SLC12A5: variants seen among roughly 807,000 people sequenced by gnomAD.
SLC12A5 encodes K-Cl cotransporter 2.
Under a neutral mutation model 124.0 loss-of-function variants are expected in SLC12A5, and 18 were observed. The observed-to-expected ratio is 0.15, with a 90% CI of 0.10 to 0.22. The LOEUF is 0.22. Among genes scored for constraint, SLC12A5 ranks in the 10% least tolerant of loss-of-function variants. The pLI is 1.00. For missense variants in SLC12A5, 867 were observed against 1,478.7 expected (o/e 0.59, Z 6.78); for synonymous variants, 589 against 568.0 (o/e 1.04, Z -0.53).
intron 7 of SLC12A5, 34 bp downstream of exon 7, chr20:46,040,648 C>T (rs183684182): frequency 1.9e-6 from 3 of 1,607,294 alleles, no homozygotes; most frequent in African/African-American, 2.7e-5. Context: ...AAGGAATCGT[C>T]CTCCTACCTC....
At chr20:46,022,496 G>A (rs2084364124) in intron 1 of SLC12A5, among the ~76,000 whole-genome samples, 1 of 152,030 alleles carries the variant, frequency 6.6e-6, no homozygotes, top group Non-Finnish European at 1.5e-5. Context: ...CTCGGTGCCT[G>A]GCGGATCCTC....
At chr20:46,054,872 G>T (rs1018273623) in intron 20 of SLC12A5, 44 bp from the exon 21 acceptor site, 4 of 1,441,946 alleles carry the variant, frequency 2.8e-6, no homozygotes, top group Non-Finnish European at 3.9e-6. Flanking sequence ...TTTCCTCCGT[G>T]TTCCTCTCCC....
chr20:46,057,477 G>A lies in SLC12A5; in HGVS notation c.3260-37G>A, dbSNP rs574939637. On this transcript the variant is annotated intron_variant, in intron 25 of 25. Coordinates refer to ENST00000243964, the MANE Select transcript of SLC12A5 (RefSeq NM_020708.5). This position sits in a 1 kb window ranked among gnomAD's most constrained non-coding sequence, Gnocchi z 7.1. Reference sequence around the variant, plus strand: ...GCGCGACCCCAATTTCGTCGGGAGGGAAGGAGACCGGGTCTTTCTCCTTGA... The same window carrying A: ...GCGCGACCCCAATTTCGTCGGGAGGAAAGGAGACCGGGTCTTTCTCCTTGA... The A allele has an allele frequency of 1.2e-6, 2 of 1,609,678 alleles. No individual in the cohort carries two copies. The highest frequency in any genetic ancestry group is 1.3e-5 in the African/African-American group (1 of 74,948).
rs761870474 is a variant in SLC12A5 at position 46,036,809 on chromosome 20, G to T, written c.481+14G>T. 6.2e-7 allele frequency: 1 copy of T among 1,613,820 alleles called. No homozygotes were observed. The highest frequency in any genetic ancestry group is 8.5e-7 in the Non-Finnish European group (1 of 1,179,888). On this transcript the variant is annotated intron_variant, in intron 5 of 25. Coordinates refer to ENST00000243964, the MANE Select transcript of SLC12A5 (RefSeq NM_020708.5). ...GTGTTGTGCCTGGTAGGTGACTGGG[G>T]CTTTGTGGGGAGGGAGGATGGCTGG...
Position 46,051,785 on chromosome 20 carries a change from G to T in SLC12A5, c.2292G>T (p.Gly764=), listed in dbSNP as rs79522550. 20,873 of 1,608,856 alleles carry T rather than the reference G, an allele frequency of 0.013. 182 individuals are homozygous for T. Among genetic ancestry groups the T allele is most frequent in the Middle Eastern group, 0.019 (112 of 6,044 alleles). ...ATCTGATCCAGTCCGGGGGCCTCGG[G>T]GGGCTGCAGCACAACACTGTGCTTG... ...VSHLIQSGGL[G]GLQHNTVLVG... The change falls in exon 18 of 26, where the codon GGG becomes GGT. Residue 764 remains glycine (G), a synonymous_variant. Transcript: ENST00000243964.
At position 46,058,385 on chromosome 20, in the gene SLC12A5, C is replaced by G. The variant is rs1040242906; in HGVS notation, c.*780C>G. ...TTCCGCGCGCCCTTGGCTTCCCACC[C>G]TCCTCTCCAGTCCTTTTCCGAGATG... On this transcript the variant is annotated 3_prime_UTR_variant, in exon 26 of 26. Coordinates refer to ENST00000243964, the MANE Select transcript of SLC12A5 (RefSeq NM_020708.5). This position sits in a 1 kb window ranked among gnomAD's most constrained non-coding sequence, Gnocchi z 5.8. 1 of 398,408 alleles carries G rather than the reference C, an allele frequency of 2.5e-6. No individual in the cohort carries two copies. The highest frequency in any genetic ancestry group is 4.4e-6 in the Non-Finnish European group (1 of 226,116). 24.7% of individuals were successfully genotyped at this position (398,408 alleles called of 1,614,324 possible).
intron 1 of SLC12A5, among the ~76,000 whole-genome samples, chr20:46,030,157 G>T (rs1189998914): frequency 6.6e-6 from 1 of 150,940 alleles, no homozygotes; most frequent in Non-Finnish European, 1.5e-5. Context: ...CGGGAAGCAA[G>T]ATCACCCTCC....
At position 46,053,009 on chromosome 20, in the gene SLC12A5, C is replaced by T. The variant is rs540937956; in HGVS notation, c.2430C>T (p.Asn810=). Residue 810 remains asparagine (N), a synonymous_variant, in exon 19 of 26, where the codon AAC becomes AAT. Transcript: ENST00000243964. The surrounding 1 kb of genome is among the most constrained non-coding windows in gnomAD (Gnocchi z 4.7). ...ACTTAGCCCTGCTGGTCACCAAGAA[C>T]GTTTCCATGTTTCCTGGGAACCCTG... is the stretch of plus-strand genomic sequence containing the variant. The part of the protein sequence containing the change: ...AGHLALLVTK[N]VSMFPGNPER... The T allele has an allele frequency of 7.9e-5, 127 of 1,614,124 alleles. No individual in the cohort carries two copies. The highest frequency in any genetic ancestry group is 3.8e-4 in the East Asian group (17 of 44,876).
chr20:46,035,098 G>C lies in SLC12A5; in HGVS notation c.147+56G>C, dbSNP rs1011273696. 24 of 1,560,310 alleles carry C rather than the reference G, an allele frequency of 1.5e-5. No homozygotes were observed. In the Admixed American group the frequency reaches 4.0e-4, roughly 26 times the overall value. ...TACAATTCATTATCCTGATTCATCA[G>C]CTGCTCTCTCCCTCCCTCCCTAGGG... On this transcript the variant is annotated intron_variant, in intron 2 of 25. Transcript: ENST00000243964.
rs764282841 is a variant in SLC12A5 at position 46,043,630 on chromosome 20, C to T, written c.1238-3C>T. ...GAGTCCTAGCTGCACTTCTGTTTTG[C>T]AGGGATCATGGCTGGTTCTAACCGC... On this transcript the variant is annotated splice_region_variant and splice_polypyrimidine_tract_variant and intron_variant, in intron 9 of 25. Coordinates refer to ENST00000243964, the MANE Select transcript of SLC12A5 (RefSeq NM_020708.5). 6.2e-7 allele frequency: 1 copy of T among 1,614,138 alleles called. No homozygotes were observed. The highest frequency in any genetic ancestry group is 1.7e-5 in the Admixed American group (1 of 60,026).
chr20:46,056,406 C>T lies in SLC12A5; in HGVS notation c.2952C>T (p.Ser984=). 6.2e-7 allele frequency: 1 copy of T among 1,613,218 alleles called. No homozygotes were observed. The highest frequency in any genetic ancestry group is 1.1e-5 in the South Asian group (1 of 90,956). Residue 984 remains serine (S), a synonymous_variant, in exon 23 of 26, where the codon AGC becomes AGT. Coordinates refer to ENST00000243964, the MANE Select transcript of SLC12A5 (RefSeq NM_020708.5). This position sits in a 1 kb window ranked among gnomAD's most constrained non-coding sequence, Gnocchi z 4.3. ...ATCAGAGTGCTCCCAGCTGCCCCAG[C>T]AGCTCCCCGTCCCCAGGGGAGGAGC... is the stretch of plus-strand genomic sequence containing the variant. ...IHDQSAPSCP[S]SSPSPGEEPE... is the part of the protein sequence containing the mutation.
rs770170831 is a variant in SLC12A5 at position 46,043,184 on chromosome 20, C to T, written c.1098C>T (p.Gly366=). 1.5e-5 allele frequency: 24 copies of T among 1,613,734 alleles called. No homozygotes were observed. The highest frequency in any genetic ancestry group is 1.6e-4 in the Middle Eastern group (1 of 6,082). Residue 366 remains glycine, a synonymous_variant, in exon 9 of 26, where the codon GGC becomes GGT. Coordinates refer to ENST00000243964, the MANE Select transcript of SLC12A5 (RefSeq NM_020708.5). The part of the protein sequence containing the change: ...ENLWSSYLTK[G]VIVERSGMTS... ...TCTGGAGCTCCTACCTGACCAAGGG[C>T]GTGATTGTGGAGAGGAGTGGGATGA...
At chr20:46,035,284 A>G (rs2084487166) in intron 2 of SLC12A5, 120 bp from the exon 3 acceptor site, 1 of 1,327,824 alleles carries the variant, frequency 7.5e-7, no homozygotes, top group Non-Finnish European at 1.0e-6. Flanking sequence ...CTCCTTTCCC[A>G]TCTCATCCCA....
At chr20:46,036,639 C>A in intron 4 of SLC12A5, 102 bp from the exon 5 acceptor site, 1 of 1,239,234 alleles carries the variant, frequency 8.1e-7, no homozygotes. Context: ...AGAAGAGAAC[C>A]TGTGGGTTTG....
rs1010215987 is a variant in SLC12A5, at chr20:46,041,679, G to T, written c.1066+139G>T. On this transcript the variant is annotated intron_variant, in intron 8 of 25. Transcript: ENST00000243964. ...GAGCACCTACTCTGAGTTACATTCT[G>T]TCCTTGGCATCAGGGAGGAGTAAGG... 1.9e-5 allele frequency: 16 copies of T among 855,752 alleles called. No homozygotes were observed. In the East Asian group the frequency reaches 4.4e-4, roughly 23 times the overall value. The allele number at this position is 855,752 out of a possible 1,614,324, so 53.0% of individuals were successfully genotyped here.
Position 46,057,118 on chromosome 20 carries a change from T to TCTTC in SLC12A5, c.3126-51_3126-48dup. 6.2e-7 allele frequency: 1 copy of TCTTC among 1,609,482 alleles called. No homozygotes were observed. The highest frequency in any genetic ancestry group is 8.5e-7 in the Non-Finnish European group (1 of 1,176,826). On this transcript the variant is annotated intron_variant, in intron 24 of 25. Coordinates refer to ENST00000243964, the MANE Select transcript of SLC12A5 (RefSeq NM_020708.5). This position sits in a 1 kb window ranked among gnomAD's most constrained non-coding sequence, Gnocchi z 7.1. ...GGGCTGGAAGGGCGACTGGCTCCAA[T>TCTTC]CTTCTCTACCCCCCCGGCTCACGCG...
chr20:46,040,392 T>C lies in SLC12A5; in HGVS notation c.632T>C (p.Met211Thr), dbSNP rs1444731225. 3 of 1,614,176 alleles carry C rather than the reference T, an allele frequency of 1.9e-6. No individual in the cohort carries two copies. Among genetic ancestry groups the C allele is most frequent in the Non-Finnish European group, 2.5e-6 (3 of 1,180,036 alleles). ...CCACAGGCTTACCTCTTCCCAGCCA[T>C]GGCCATCTTCAAGGCAGAAGATGCC... ...EILLAYLFPA[M>T]AIFKAEDASG... Residue 211 changes from methionine (M) to threonine (T), a missense_variant, in exon 7 of 26, where the codon ATG becomes ACG. Around this residue, in one of 9 missense-constraint regions of SLC12A5, gnomAD observed 126 missense variants for 291.6 expected, o/e 0.43. Transcript: ENST00000243964.
At chr20:46,027,987 C>T (rs899963853), upstream of SLC12A5, among the ~76,000 whole-genome samples, 4 of 152,314 alleles carry the variant, frequency 2.6e-5, no homozygotes, top group Non-Finnish European at 5.9e-5. Flanking sequence ...TTGTTTACCC[C>T]GATCTGCTCC....
Position 46,047,678 on chromosome 20 carries a change from G to A in SLC12A5, c.1907+105G>A. ...ATTGGGGTGGTGGGGGTGAGATGAA[G>A]CAGGGAGTGGGAGAGGATGGGGCTG... On this transcript the variant is annotated intron_variant, in intron 15 of 25. Coordinates refer to ENST00000243964, the MANE Select transcript of SLC12A5 (RefSeq NM_020708.5). 3.5e-6 allele frequency: 5 copies of A among 1,431,780 alleles called. No individual in the cohort carries two copies. In the South Asian group the frequency reaches 6.6e-5, roughly 19 times the overall value. The allele number at this position is 1,431,780 out of a possible 1,614,324, so 88.7% of individuals were successfully genotyped here.
Sources: gnomAD v4.1 joint callset for allele counts (sites outside exome capture counted in the v4.1 genomes callset) on GRCh38, gnomAD v4.1.1 for gene constraint, gnomAD v4.1.1 regional missense constraint, Gnocchi (gnomAD v3.1) non-coding constraint, MANE v1.5 for transcripts, NCBI Gene and HGNC (gene_info 2026-07-23, HGNC 2026-07-21) for gene names.